TRIM38: variants seen among roughly 807,000 people sequenced by gnomAD.
The protein encoded by TRIM38 is E3 ubiquitin-protein ligase TRIM38.
A neutral mutation model predicts 35.8 loss-of-function variants in TRIM38; 35 were observed. The observed-to-expected ratio is 0.98, with a 90% CI of 0.75 to 1.30. TRIM38 has a LOEUF of 1.30. Ranked by LOEUF, TRIM38 falls within the 50% of genes most tolerant of loss-of-function variation. The pLI is 0.00. For missense variants in TRIM38, 545 were observed against 556.9 expected, an observed-to-expected ratio of 0.98 and a Z score of 0.21; for synonymous variants, 198 against 204.7, an observed-to-expected ratio of 0.97 and a Z score of 0.28.
intron 7 of TRIM38, among the ~76,000 whole-genome samples, chr6:25,981,849 G>C (rs1204193661): frequency 6.6e-6 from 1 of 152,218 alleles, no homozygotes; most frequent in African/African-American, 2.4e-5. Context: ...ATTCCTGGAA[G>C]TCCTGCATGG....
chr6:25,973,280 A>G lies in TRIM38; in HGVS notation c.869A>G (p.His290Arg), dbSNP rs780581728. ...YFDVKKMLRSHQVSVTLDPDT... is the reference protein window; with the variant it reads ...YFDVKKMLRSRQVSVTLDPDT... The stretch of plus-strand genomic sequence containing the variant: ...GATGTGAAGAAAATGTTAAGGAGTC[A>G]TCAAGGTATGTTCACTAAAGAATTC... The change falls in exon 7 of 8, where the codon CAT (histidine) becomes CGT (arginine). Residue 290 changes from histidine (H) to arginine (R), a missense_variant. His to Arg is a conservative substitution (Grantham distance 29). Transcript: ENST00000357085. The G allele has an allele frequency of 5.0e-6, 8 of 1,613,258 alleles. No individual in the cohort carries two copies. Among genetic ancestry groups the G allele is most frequent in the East Asian group, 2.2e-5 (1 of 44,886 alleles).
chr6:25,983,823 A>G lies in TRIM38; in HGVS notation c.*136A>G, dbSNP rs1014383293. ...CTAGTGCTGAGATTTTAGTGGATAT[A>G]TAATTGATTTATGTTGAATATATGG... On this transcript the variant is annotated 3_prime_UTR_variant, in exon 8 of 8. Coordinates refer to ENST00000357085, the MANE Select transcript of TRIM38 (RefSeq NM_006355.5). The G allele has an allele frequency of 2.5e-6, 2 of 786,522 alleles. No homozygotes were observed. The highest frequency in any genetic ancestry group is 2.7e-5 in the East Asian group (1 of 36,550). The allele number at this position is 786,522 out of a possible 1,614,324, so 48.7% of individuals were successfully genotyped here.
rs1384817368 is a variant in TRIM38 at position 25,983,641 on chromosome 6, A to G, written c.1352A>G (p.Gln451Arg). The G allele has an allele frequency of 5.6e-6, 9 of 1,610,728 alleles. No individual in the cohort carries two copies. The highest frequency in any genetic ancestry group is 7.6e-6 in the Non-Finnish European group (9 of 1,178,900). ...TCTGATACTCTCCGGCCCTATTTCC[A>G]GGTTTATCAATATTCTCCTTTGTTT... is the stretch of plus-strand genomic sequence containing the variant. ...SFSDTLRPYF[Q>R]VYQYSPLFLP... The change falls in exon 8 of 8, where the codon CAG becomes CGG. Residue 451 changes from glutamine (Q) to arginine (R), a missense_variant. Gln to Arg is a conservative substitution (Grantham distance 43, BLOSUM62 1). Transcript: ENST00000357085.
chr6:25,966,220 C>A, intron 2 of TRIM38, 115 bp from the exon 3 acceptor site: 1 of 294,164 alleles, frequency 3.4e-6, no homozygotes, highest in Non-Finnish European at 6.3e-6. Flanking sequence ...TGCTTTTTTT[C>A]CTCTAAACAA....
intron 7 of TRIM38, among the ~76,000 whole-genome samples, chr6:25,981,448 TC>T (rs1760541562): frequency 1.3e-5 from 2 of 152,234 alleles, no homozygotes; most frequent in Admixed American, 6.5e-5. Context: ...GACCAACTGA[TC>T]AACATTTAAC....
intron 7 of TRIM38, among the ~76,000 whole-genome samples, chr6:25,974,425 ATAAT>A (rs1425116759): frequency 6.6e-6 from 1 of 152,232 alleles, no homozygotes; most frequent in African/African-American, 2.4e-5. Flanking sequence ...GGAGTCTTAC[ATAAT>A]GAAACGTAAT....
chr6:25,976,964 A>G (rs1760412398), intron 7 of TRIM38, among the ~76,000 whole-genome samples: 1 of 152,078 alleles, frequency 6.6e-6, no homozygotes, highest in South Asian at 2.1e-4. Context: ...TTCTTTTTGT[A>G]TGTCCATTAG....
chr6:25,979,223 C>T (rs939093218), intron 7 of TRIM38, among the ~76,000 whole-genome samples: 1 of 151,954 alleles, frequency 6.6e-6, no homozygotes, highest in Non-Finnish European at 1.5e-5. Context: ...AGTTCTATAT[C>T]TATGTCTATA....
intron 7 of TRIM38, among the ~76,000 whole-genome samples, chr6:25,982,143 C>T (rs888893346): frequency 3.9e-5 from 6 of 152,148 alleles, no homozygotes; most frequent in African/African-American, 1.4e-4. Flanking sequence ...GGGCATAAAA[C>T]CCCTTGTGGC....
chr6:25,963,840 C>T (rs1257814737), intron 2 of TRIM38, among the ~76,000 whole-genome samples: 1 of 152,152 alleles, frequency 6.6e-6, no homozygotes, highest in Non-Finnish European at 1.5e-5. Context: ...TTAGGCACCC[C>T]TCTCTGCAGA....
At chr6:25,976,479 C>T (rs550709491) in intron 7 of TRIM38, among the ~76,000 whole-genome samples, 1 of 152,294 alleles carries the variant, frequency 6.6e-6, no homozygotes, top group South Asian at 2.1e-4. Flanking sequence ...TTATTTTGTT[C>T]AGGCTGGTCT....
intron 3 of TRIM38, among the ~76,000 whole-genome samples, chr6:25,967,774 C>T (rs919124887): frequency 6.6e-6 from 1 of 151,976 alleles, no homozygotes; most frequent in African/African-American, 2.4e-5. Flanking sequence ...TGGTCTCCCT[C>T]CCATCTCAGC....
Position 25,984,024 on chromosome 6 carries a change from G to A in TRIM38, c.*337G>A, listed in dbSNP as rs192565182. On this transcript the variant is annotated 3_prime_UTR_variant, in exon 8 of 8. Coordinates refer to ENST00000357085, the MANE Select transcript of TRIM38 (RefSeq NM_006355.5). Reference sequence around the variant, plus strand: ...AAGTCAGAAGGTCTGCGTTCTCCTAGTTTGTTTGCTGCCATTTGAACTCAT... The same window carrying A: ...AAGTCAGAAGGTCTGCGTTCTCCTAATTTGTTTGCTGCCATTTGAACTCAT... The A allele has an allele frequency of 1.1e-3, 218 of 196,560 alleles. No individual in the cohort carries two copies. The highest frequency in any genetic ancestry group is 9.8e-3 in the Middle Eastern group (5 of 508). 12.2% of individuals were successfully genotyped at this position (196,560 alleles called of 1,614,324 possible).
In TRIM38 at chr6:25,988,015, A is replaced by G. The variant is rs1292565818; in HGVS notation, c.*4328A>G. 2.0e-5 allele frequency: 3 copies of G among 152,042 alleles called. No individual in the cohort carries two copies. The highest frequency in any genetic ancestry group is 4.4e-5 in the Non-Finnish European group (3 of 67,996). The allele number at this position is 152,042 out of a possible 1,614,324, so 9.4% of individuals were successfully genotyped here. On this transcript the variant is annotated 3_prime_UTR_variant, in exon 8 of 8. Coordinates refer to ENST00000357085, the MANE Select transcript of TRIM38 (RefSeq NM_006355.5). ...GCCGAAACAGGGACGAGGTTAAAGCACCTCTCCATAAGACACGCCCACCAG... is the reference window on the plus strand; with the variant it reads ...GCCGAAACAGGGACGAGGTTAAAGCGCCTCTCCATAAGACACGCCCACCAG...
rs1760776184 is a variant in TRIM38 at position 25,988,496 on chromosome 6, C to CTTTTTTTTTCTTTTTTTTTTTTT, written c.*4818_*4819insCTTTTTTTTTTTTTTTTTTTTTT. 1.6e-5 allele frequency: 1 copy of CTTTTTTTTTCTTTTTTTTTTTTT among 63,054 alleles called. No individual in the cohort carries two copies. Among genetic ancestry groups the CTTTTTTTTTCTTTTTTTTTTTTT allele is most frequent in the Non-Finnish European group, 2.7e-5 (1 of 37,380 alleles). The allele number at this position is 63,054 out of a possible 1,614,324, so 3.9% of individuals were successfully genotyped here. On this transcript the variant is annotated 3_prime_UTR_variant, in exon 8 of 8. Transcript: ENST00000357085. ...TTTCTTTTTCTTTTTTCTTTTCTTT[C>CTTTTTTTTTCTTTTTTTTTTTTT]TTTTTTTTTTTTTTTTTGAGACAGA... is the stretch of plus-strand genomic sequence containing the variant.
At chr6:25,974,707 G>A (rs1445800799) in intron 7 of TRIM38, 1 of 158,366 alleles carries the variant, frequency 6.3e-6, no homozygotes, top group Non-Finnish European at 1.4e-5. Context: ...ACAGGGCTCT[G>A]CCTTAGGCCA....
At chr6:25,977,245 T>A (rs1045909962) in intron 7 of TRIM38, among the ~76,000 whole-genome samples, 1 of 152,216 alleles carries the variant, frequency 6.6e-6, no homozygotes, top group African/African-American at 2.4e-5. Context: ...TAGCCCCGTG[T>A]GCTATGCCTG....
chr6:25,966,328 C>T lies in TRIM38; in HGVS notation c.-188-7C>T. On this transcript the variant is annotated splice_polypyrimidine_tract_variant and splice_region_variant and intron_variant, in intron 2 of 7. Coordinates refer to ENST00000357085, the MANE Select transcript of TRIM38 (RefSeq NM_006355.5). ...AAACAACCTCAGCCTCAACTTCTTC[C>T]TTTTAGGTCCTCTTTTCTTCAATAC... 1.8e-6 allele frequency: 1 copy of T among 561,110 alleles called. No individual in the cohort carries two copies. The highest frequency in any genetic ancestry group is 3.7e-5 in the Admixed American group (1 of 27,300). 34.8% of individuals were successfully genotyped at this position (561,110 alleles called of 1,614,324 possible). A position where few individuals can be genotyped will look rare whatever the true frequency, so the allele number is the denominator to read the frequency against.
chr6:25,969,658 A>G (rs1301970549), intron 4 of TRIM38, among the ~76,000 whole-genome samples: 1 of 152,230 alleles, frequency 6.6e-6, no homozygotes, highest in East Asian at 1.9e-4. Context: ...CTGATACTTC[A>G]GTCAGAAGAA....
Sources: gnomAD v4.1 joint callset for allele counts (sites outside exome capture counted in the v4.1 genomes callset) on GRCh38, gnomAD v4.1.1 for gene constraint, MANE v1.5 for transcripts, NCBI Gene and HGNC (gene_info 2026-07-23, HGNC 2026-07-21) for gene names.